The following PCNX2 variants were observed in gnomAD, a reference collection of about 807,000 sequenced individuals.
PCNX2 encodes pecanex-like protein 2.
PCNX2 carries 168 observed loss-of-function variants against 223.8 expected under a neutral mutation model. That is an observed-to-expected ratio of 0.75 (90% CI 0.66 to 0.85). The LOEUF (loss-of-function observed/expected upper bound fraction) is 0.85. Ranked by LOEUF, PCNX2 falls within the 40% of genes least tolerant of loss-of-function variation. The pLI is 0.00. For synonymous variants in PCNX2, 1,006 were observed against 1,052.6 expected, an observed-to-expected ratio of 0.96 and a Z score of 0.86; for missense variants, 2,507 against 2,675.5, an observed-to-expected ratio of 0.94 and a Z score of 1.39.
At chr1:233,004,351 C>A (rs77098759) in intron 28 of PCNX2, among the ~76,000 whole-genome samples, 6,378 of 152,094 alleles carry the variant, frequency 0.042, 430 homozygotes, top group African/African-American at 0.14. Context: ...GGGTATCACC[C>A]AAGGGAAATC....
At chr1:233,018,200 T>G (rs1372472970) in intron 26 of PCNX2, among the ~76,000 whole-genome samples, 1 of 151,874 alleles carries the variant, frequency 6.6e-6, no homozygotes, top group African/African-American at 2.4e-5. Context: ...TATTTTAGTT[T>G]TTTTTTTTTG....
chr1:233,250,149 T>C (rs1659368063), intron 8 of PCNX2, among the ~76,000 whole-genome samples: 1 of 152,232 alleles, frequency 6.6e-6, no homozygotes, highest in Non-Finnish European at 1.5e-5. Flanking sequence ...CAAAGAATCT[T>C]GAAGCCCAGG....
intron 23 of PCNX2, among the ~76,000 whole-genome samples, chr1:233,064,745 C>A (rs1280594759): frequency 6.6e-6 from 1 of 152,018 alleles, no homozygotes; most frequent in Non-Finnish European, 1.5e-5. Context: ...AGGAATTTTA[C>A]CATCTATCAT....
intron 19 of PCNX2, among the ~76,000 whole-genome samples, chr1:233,153,350 C>T (rs1443261767): frequency 1.3e-5 from 2 of 152,080 alleles, no homozygotes; most frequent in Non-Finnish European, 2.9e-5. Flanking sequence ...GAGGACGGAG[C>T]TAATAGATTA....
At chr1:232,988,602 A>C (rs187724726) in intron 32 of PCNX2, among the ~76,000 whole-genome samples, 1 of 152,340 alleles carries the variant, frequency 6.6e-6, no homozygotes, top group Non-Finnish European at 1.5e-5. Context: ...AATACCTTAC[A>C]TATAAATCAC....
chr1:233,043,438 G>C (rs931227566), intron 25 of PCNX2, among the ~76,000 whole-genome samples: 1 of 151,968 alleles, frequency 6.6e-6, no homozygotes, highest in African/African-American at 2.4e-5. Flanking sequence ...TAAGTTGTAG[G>C]GTACATGTGC....
chr1:233,104,711 G>C (rs1279362796), intron 21 of PCNX2, among the ~76,000 whole-genome samples: 1 of 151,994 alleles, frequency 6.6e-6, no homozygotes, highest in Non-Finnish European at 1.5e-5. Context: ...AAAAGAGAAA[G>C]AATATAATTT....
Position 233,217,938 on chromosome 1 carries a change from C to T in PCNX2, c.2659-7G>A. 6.2e-7 allele frequency: 1 copy of T among 1,613,816 alleles called. No homozygotes were observed. Among genetic ancestry groups the T allele is most frequent in the Non-Finnish European group, 8.5e-7 (1 of 1,179,850 alleles). On this transcript the variant is annotated splice_region_variant and splice_polypyrimidine_tract_variant and intron_variant, in intron 11 of 33. Transcript: ENST00000258229. ...CGGGGTCAGGCTGAACACTCTAAAA[C>T]ACAAATCAGAAGTGTCTGTGTCATC...
chr1:233,207,443 C>A (rs769398888), intron 13 of PCNX2, among the ~76,000 whole-genome samples: 6 of 152,170 alleles, frequency 3.9e-5, no homozygotes, highest in Non-Finnish European at 7.3e-5. Flanking sequence ...CAGACAATAA[C>A]AAGTTGGCAG....
At chr1:233,011,035 G>A (rs1424676518) in intron 28 of PCNX2, among the ~76,000 whole-genome samples, 1 of 152,092 alleles carries the variant, frequency 6.6e-6, no homozygotes, top group Non-Finnish European at 1.5e-5. Flanking sequence ...TGACTTGTTG[G>A]GTCTCCTACA....
chr1:233,293,918 C>A (rs6692689), intron 1 of PCNX2: 408,976 of 968,824 alleles, frequency 0.42, 87,601 homozygotes, highest in African/African-American at 0.57. Flanking sequence ...AAAAGAGAAA[C>A]CACTGGGGCC....
rs374772612 is a variant in PCNX2 at position 233,258,920 on chromosome 1, T to A, written c.942A>T (p.Gln314His). The A allele has an allele frequency of 5.6e-6, 9 of 1,613,900 alleles. No homozygotes were observed. Among genetic ancestry groups the A allele is most frequent in the Middle Eastern group, 3.3e-4 (2 of 6,062 alleles). ...CAGGCTTGGCCACGATGGTGTCACA[T>A]TGAGGGCAGCTGCTGCTCAGGCTGT... is the stretch of plus-strand genomic sequence containing the variant. ...PQDSLSSSCP[Q>H]CDTIVAKPVE... is the part of the protein sequence containing the mutation. The change falls in exon 5 of 34, where the codon CAA becomes CAT. Residue 314 changes from glutamine (Q) to histidine (H), a missense_variant. By Grantham distance (24) the Gln-to-His change is conservative. Coordinates refer to ENST00000258229, the MANE Select transcript of PCNX2 (RefSeq NM_014801.4).
At position 233,212,800 on chromosome 1, in the gene PCNX2, A is replaced by G. The variant is rs150793290; in HGVS notation, c.2692-4111T>C. On this transcript the variant is annotated intron_variant, in intron 12 of 33. Transcript: ENST00000258229. Reference sequence around the variant, plus strand: ...CAAAGACACAATTGAATATTATTTGAGAACTTTTCATCAAGATCCATAAAA... The same window carrying G: ...CAAAGACACAATTGAATATTATTTGGGAACTTTTCATCAAGATCCATAAAA... 1.6e-4 allele frequency among the ~76,000 whole-genome samples: 24 copies of G among 152,390 alleles called. No homozygotes were observed. The East Asian group carries it at 4.6e-3, about 29-fold the overall frequency.
chr1:233,080,952 T>G (rs2102921757), intron 23 of PCNX2, among the ~76,000 whole-genome samples: 1 of 152,252 alleles, frequency 6.6e-6, no homozygotes, highest in East Asian at 1.9e-4. Flanking sequence ...TAAGAGCATT[T>G]GAAAATCCCT....
intron 17 of PCNX2, chr1:233,167,736 G>A (rs897673203): frequency 1.0e-6 from 1 of 984,324 alleles, no homozygotes; most frequent in African/African-American, 1.7e-5. Flanking sequence ...AAGGAATCTT[G>A]TAAAACACCT....
At chr1:233,183,227 A>G (rs532098679) in intron 15 of PCNX2, among the ~76,000 whole-genome samples, 1 of 152,034 alleles carries the variant, frequency 6.6e-6, no homozygotes, top group South Asian at 2.1e-4. Flanking sequence ...AGCATCTCCT[A>G]TGTGTGCCCA....
At chr1:233,187,343 A>G (rs1348805981) in intron 15 of PCNX2, among the ~76,000 whole-genome samples, 1 of 152,218 alleles carries the variant, frequency 6.6e-6, no homozygotes, top group African/African-American at 2.4e-5. Flanking sequence ...TGTCCTCAGG[A>G]TTCTGGAAGA....
chr1:233,259,440 C>A, intron 4 of PCNX2, 96 bp from the exon 5 acceptor site: 1 of 1,407,270 alleles, frequency 7.1e-7, no homozygotes, highest in South Asian at 1.5e-5. Flanking sequence ...AAAACAGCAC[C>A]AGCAACTAAT....
At position 233,259,214 on chromosome 1, in the gene PCNX2, T is replaced by C. The variant is rs1659913468; in HGVS notation, c.648A>G (p.Lys216=). 1 of 1,613,758 alleles carries C rather than the reference T, an allele frequency of 6.2e-7. No individual in the cohort carries two copies. Among genetic ancestry groups the C allele is most frequent in the Non-Finnish European group, 8.5e-7 (1 of 1,179,844 alleles). The change falls in exon 5 of 34, where the codon AAA becomes AAG. Residue 216 remains lysine, a synonymous_variant. Transcript: ENST00000258229. ...TGATGAGAGTTTCTGTGGCAACTGGTTTTACAGGTATTACTGACTTGGTCG... is the reference window on the plus strand; with the variant it reads ...TGATGAGAGTTTCTGTGGCAACTGGCTTTACAGGTATTACTGACTTGGTCG... ...ETTTKSVIPV[K]PVATETLING...
Sources: allele counts gnomAD v4.1 joint callset (sites outside exome capture counted in the v4.1 genomes callset), GRCh38; gene constraint gnomAD v4.1.1; transcripts MANE v1.5; gene names NCBI Gene and HGNC (gene_info 2026-07-23, HGNC 2026-07-21).